RXFP2: variants seen among roughly 807,000 people sequenced by gnomAD.
The protein encoded by RXFP2 is relaxin family peptide receptor 2.
RXFP2 carries 68 observed loss-of-function variants against 88.6 expected under a neutral mutation model. The observed-to-expected ratio is 0.77, with a 90% CI of 0.63 to 0.94. RXFP2 has a LOEUF of 0.94. RXFP2 is among the 40% of genes least tolerant of loss of function. The pLI is 0.00. For missense variants in RXFP2, 791 were observed against 893.9 expected, an observed-to-expected ratio of 0.88 and a Z score of 1.47; for synonymous variants, 329 against 306.8, an observed-to-expected ratio of 1.07 and a Z score of -0.76.
chr13:31,743,196 C>T (rs1478478015), intron 1 of RXFP2, among the ~76,000 whole-genome samples: 1 of 152,110 alleles, frequency 6.6e-6, no homozygotes, highest in African/African-American at 2.4e-5. Flanking sequence ...AGATTGAGGC[C>T]ATACGCAGTG....
Position 31,767,513 on chromosome 13 carries a change from G to A in RXFP2, c.497+1486G>A, listed in dbSNP as rs1052508882. ...TACTGCCTGAATAATACATGTGGGA[G>A]GAAAAATAAAATAGCACTAGCAGAA... is the stretch of plus-strand genomic sequence containing the variant. On this transcript the variant is annotated intron_variant, in intron 5 of 17. Transcript: ENST00000298386. Among the ~76,000 whole-genome samples the A allele has an allele frequency of 4.3e-4, 65 of 152,016 alleles. 1 individual carries two copies. The highest frequency in any genetic ancestry group is 1.5e-3 in the African/African-American group (64 of 41,372).
intron 17 of RXFP2, among the ~76,000 whole-genome samples, chr13:31,799,648 G>C: frequency 6.6e-6 from 1 of 152,166 alleles, no homozygotes; most frequent in East Asian, 1.9e-4. Context: ...CTTGTTGAGT[G>C]ATCTCAGGGA....
intron 1 of RXFP2, among the ~76,000 whole-genome samples, chr13:31,741,107 T>C (rs1345972592): frequency 6.6e-6 from 1 of 152,050 alleles, no homozygotes; most frequent in African/African-American, 2.4e-5. Context: ...GCTTAAACCG[T>C]TTATGAGATG....
intron 15 of RXFP2, 121 bp from the exon 16 acceptor site, chr13:31,792,557 A>T: frequency 2.1e-6 from 2 of 940,146 alleles, no homozygotes; most frequent in Non-Finnish European, 3.4e-6. Context: ...AGTTCATTTG[A>T]TATAAGATGA....
chr13:31,791,784 C>CT, intron 14 of RXFP2, 22 bp from the exon 15 acceptor site: 3 of 1,555,222 alleles, frequency 1.9e-6, no homozygotes, highest in Non-Finnish European at 2.7e-6. Context: ...CAAAGTGACA[C>CT]TTTTTTTCCC....
intron 1 of RXFP2, among the ~76,000 whole-genome samples, chr13:31,757,459 T>C (rs1649932477): frequency 6.6e-6 from 1 of 152,230 alleles, no homozygotes; most frequent in African/African-American, 2.4e-5. Flanking sequence ...GTAGACACGA[T>C]AGATGAGTGT....
At position 31,751,827 on chromosome 13, in the gene RXFP2, C is replaced by A. The variant is rs185718095; in HGVS notation, c.95-6431C>A. On this transcript the variant is annotated intron_variant, in intron 1 of 17. Transcript: ENST00000298386. ...TCTCCCCTTCACCCACCACACTGCC[C>A]ATTCTCTCCATTCACTCGCCTCAGG... is the stretch of plus-strand genomic sequence containing the variant. Among the ~76,000 whole-genome samples the A allele has an allele frequency of 7.9e-4, 121 of 152,290 alleles. 1 individual carries two copies. The East Asian group carries it at 0.02, about 25-fold the overall frequency.
chr13:31,757,746 A>G (rs1872024255), intron 1 of RXFP2, among the ~76,000 whole-genome samples: 1 of 152,280 alleles, frequency 6.6e-6, no homozygotes, highest in South Asian at 2.1e-4. Context: ...TTCAAAATGA[A>G]CCTGGATTCT....
chr13:31,771,791 T>TAAAA (rs112121434), intron 5 of RXFP2, among the ~76,000 whole-genome samples: 1 of 144,426 alleles, frequency 6.9e-6, no homozygotes, highest in Non-Finnish European at 1.5e-5. Flanking sequence ...AACTCTGTCT[T>TAAAA]AAAAAAAAAA....
At chr13:31,750,955 C>A (rs1871642616) in intron 1 of RXFP2, among the ~76,000 whole-genome samples, 1 of 152,068 alleles carries the variant, frequency 6.6e-6, no homozygotes, top group Non-Finnish European at 1.5e-5. Flanking sequence ...TTGGTTGACT[C>A]GTTTGTTTTG....
At chr13:31,761,954 A>G (rs1872321343) in intron 3 of RXFP2, among the ~76,000 whole-genome samples, 153 bp downstream of exon 3, 1 of 152,040 alleles carries the variant, frequency 6.6e-6, no homozygotes, top group South Asian at 2.1e-4. Flanking sequence ...TCTGCCTGTG[A>G]TTGGAAAGAT....
In RXFP2 at chr13:31,765,160, A is replaced by G. The variant is rs946498647; in HGVS notation, c.425+18A>G. ...ACATTACTGTGAGTAAAACTTAATT[A>G]TTGGTGATATCTGTCCCTATAGTCA... On this transcript the variant is annotated intron_variant, in intron 4 of 17. Coordinates refer to ENST00000298386, the MANE Select transcript of RXFP2 (RefSeq NM_130806.5). The G allele has an allele frequency of 1.4e-6, 2 of 1,401,694 alleles. No individual in the cohort carries two copies. The highest frequency in any genetic ancestry group is 2.0e-6 in the Non-Finnish European group (2 of 986,688). 86.8% of individuals were successfully genotyped at this position (1,401,694 alleles called of 1,614,324 possible). A position where few individuals can be genotyped will look rare whatever the true frequency, so the allele number is the denominator to read the frequency against.
intron 5 of RXFP2, among the ~76,000 whole-genome samples, chr13:31,768,061 G>A (rs1872613620): frequency 1.3e-5 from 2 of 152,150 alleles, no homozygotes; most frequent in South Asian, 2.1e-4. Context: ...GAATATAGAA[G>A]CAATTTAATA....
At chr13:31,740,118 ATAAT>A (rs1337149874) in intron 1 of RXFP2, among the ~76,000 whole-genome samples, 1 of 152,184 alleles carries the variant, frequency 6.6e-6, no homozygotes, top group African/African-American at 2.4e-5. Context: ...TTGCGTGAAC[ATAAT>A]TAAACTGGGA....
At position 31,801,690 on chromosome 13, in the gene RXFP2, C is replaced by G. The variant is rs562452782; in HGVS notation, c.2006-456C>G. On this transcript the variant is annotated intron_variant, in intron 17 of 17. Coordinates refer to ENST00000298386, the MANE Select transcript of RXFP2 (RefSeq NM_130806.5). ...AGCTTTTAATAGGATAACAGGATAA[C>G]CAGAACACCAGGGCAGGGCAATAAG... is the stretch of plus-strand genomic sequence containing the variant. Among the ~76,000 whole-genome samples, 3 of 152,204 alleles carry G rather than the reference C, an allele frequency of 2.0e-5. No individual in the cohort carries two copies. In the East Asian group the frequency reaches 5.8e-4, roughly 29 times the overall value.
chr13:31,792,824 G>A lies in RXFP2; in HGVS notation c.1522G>A (p.Val508Ile), dbSNP rs1873859644. The change falls in exon 16 of 18, where the codon GTC (valine) becomes ATC (isoleucine). Residue 508 changes from valine to isoleucine, a missense_variant. Val to Ile is a conservative substitution (Grantham distance 29). Transcript: ENST00000298386. Reference sequence around the variant, plus strand: ...GTTCCTGGCCATGCTGTCCACCGAAGTCTCTGTTCTGCTACTGACCTACTT... The same window carrying A: ...GTTCCTGGCCATGCTGTCCACCGAAATCTCTGTTCTGCTACTGACCTACTT... ...MGFLAMLSTEVSVLLLTYLTL... is the reference protein window; with the variant it reads ...MGFLAMLSTEISVLLLTYLTL... 6.2e-7 allele frequency: 1 copy of A among 1,614,056 alleles called. No individual in the cohort carries two copies. The highest frequency in any genetic ancestry group is 1.3e-5 in the African/African-American group (1 of 74,922).
At chr13:31,799,290 C>T (rs1198890632) in intron 17 of RXFP2, among the ~76,000 whole-genome samples, 1 of 152,104 alleles carries the variant, frequency 6.6e-6, no homozygotes, top group Non-Finnish European at 1.5e-5. Context: ...CAACTGACTG[C>T]AACCTCTGCC....
intron 1 of RXFP2, among the ~76,000 whole-genome samples, chr13:31,744,937 G>A (rs951945980): frequency 1.3e-5 from 2 of 152,112 alleles, no homozygotes; most frequent in African/African-American, 4.8e-5. Flanking sequence ...GGGAGGCTGA[G>A]GTGGGCAGAT....
chr13:31,792,475 C>T (rs1381564621), intron 15 of RXFP2, among the ~76,000 whole-genome samples: 1 of 152,094 alleles, frequency 6.6e-6, no homozygotes, highest in Non-Finnish European at 1.5e-5. Flanking sequence ...AAAATAAAAA[C>T]ATAGTGTAGT....
Sources: allele counts gnomAD v4.1 joint callset (sites outside exome capture counted in the v4.1 genomes callset), GRCh38; gene constraint gnomAD v4.1.1; transcripts MANE v1.5; gene names NCBI Gene and HGNC (gene_info 2026-07-23, HGNC 2026-07-21).